KDM5B: variants seen among roughly 807,000 people sequenced by gnomAD.
The protein encoded by KDM5B is lysine demethylase 5B, also known as lysine-specific demethylase 5B.
Under a neutral mutation model 193.4 loss-of-function variants are expected in KDM5B, and 144 were observed. The ratio of observed to expected loss-of-function variants is 0.74; its 90% CI spans 0.65 to 0.86. KDM5B has a LOEUF of 0.86. Ranked by LOEUF, KDM5B falls within the 40% of genes least tolerant of loss-of-function variation. The pLI is 0.00. For missense variants in KDM5B, 1,833 were observed against 1,886.9 expected, an observed-to-expected ratio of 0.97 and a Z score of 0.53; for synonymous variants, 668 against 682.6, an observed-to-expected ratio of 0.98 and a Z score of 0.33.
At chr1:202,807,814 G>A (rs1418634503) in intron 1 of KDM5B, among the ~76,000 whole-genome samples, 3 of 151,468 alleles carry the variant, frequency 2.0e-5, no homozygotes. Flanking sequence ...ACTCCATCCG[G>A]AACCGAACCC....
At chr1:202,751,316 A>G (rs1655780721) in intron 12 of KDM5B, among the ~76,000 whole-genome samples, 1 of 152,154 alleles carries the variant, frequency 6.6e-6, no homozygotes, top group Non-Finnish European at 1.5e-5. Context: ...AAGCATCTAC[A>G]TTTCTACACC....
intron 21 of KDM5B, 57 bp downstream of exon 21, chr1:202,736,156 A>G (rs1328396136): frequency 9.5e-6 from 12 of 1,268,870 alleles, no homozygotes; most frequent in Non-Finnish European, 1.3e-5. Flanking sequence ...GATGAACTGC[A>G]TGTTTTACCA....
chr1:202,748,582 G>C (rs1386418486), intron 14 of KDM5B, among the ~76,000 whole-genome samples: 3 of 151,814 alleles, frequency 2.0e-5, no homozygotes, highest in African/African-American at 7.2e-5. Flanking sequence ...AAAAAATAAA[G>C]GGCAAGCCGG....
chr1:202,745,920 G>C lies in KDM5B; in HGVS notation c.2261C>G (p.Ser754Cys). 1 of 1,613,968 alleles carries C rather than the reference G, an allele frequency of 6.2e-7. No individual in the cohort carries two copies. Among genetic ancestry groups the C allele is most frequent in the South Asian group, 1.1e-5 (1 of 91,078 alleles). The stretch of plus-strand genomic sequence containing the variant: ...CACATTCAAGGCCCATTCGTTGTAA[G>C]ATTCTGCTCGAAGCTTCAATGCATT... Reference protein sequence around the residue: ...MMNALKLRAESYNEWALNVNE... With the variant: ...MMNALKLRAECYNEWALNVNE... Residue 754 changes from serine to cysteine, a missense_variant, in exon 16 of 27, where the codon TCT (serine) becomes TGT (cysteine). By Grantham distance (112) the Ser-to-Cys change is moderately radical (BLOSUM62 -1). Coordinates refer to ENST00000367265, the MANE Select transcript of KDM5B (RefSeq NM_006618.5).
chr1:202,741,192 T>C (rs3795600), intron 19 of KDM5B, among the ~76,000 whole-genome samples, 175 bp downstream of exon 19: 27,728 of 152,244 alleles, frequency 0.18, 2,941 homozygotes, highest in Middle Eastern at 0.28. Flanking sequence ...AAAATTAACA[T>C]TCTTTTACTC....
Position 202,767,059 on chromosome 1 carries a change from C to T in KDM5B, c.578G>A (p.Cys193Tyr), listed in dbSNP as rs748895064. The stretch of plus-strand genomic sequence containing the variant: ...TGTGGTCAGGTTTGGCTTCTGCAAA[C>T]ACTAGAAATAACAACTGTACTGATA... Reference protein sequence around the residue: ...NLFLSGDSLRCLQKPNLTTDT... With the variant: ...NLFLSGDSLRYLQKPNLTTDT... The change falls in exon 5 of 27, where the codon TGT becomes TAT. Residue 193 changes from cysteine (C) to tyrosine (Y), a missense_variant and splice_region_variant. By Grantham distance (194) the Cys-to-Tyr change is radical. Around this residue, in one of 3 missense-constraint regions of KDM5B, gnomAD observed 355 missense variants for 374.9 expected, o/e 0.95. Coordinates refer to ENST00000367265, the MANE Select transcript of KDM5B (RefSeq NM_006618.5). 7 of 1,608,944 alleles carry T rather than the reference C, an allele frequency of 4.4e-6. No homozygotes were observed. Among genetic ancestry groups the T allele is most frequent in the Non-Finnish European group, 3.4e-6 (4 of 1,178,932 alleles).
At chr1:202,770,149 A>G (rs1656652705) in intron 4 of KDM5B, among the ~76,000 whole-genome samples, 1 of 152,216 alleles carries the variant, frequency 6.6e-6, no homozygotes, top group South Asian at 2.1e-4. Flanking sequence ...ACCACAATTA[A>G]AAATACACAC....
At chr1:202,758,985 C>T (rs1334220953) in intron 8 of KDM5B, 1 of 152,928 alleles carries the variant, frequency 6.5e-6, no homozygotes, top group Non-Finnish European at 1.5e-5. Flanking sequence ...GTATAAGCTG[C>T]CTTAGATCTT....
chr1:202,752,206 TAAC>T (rs992533552), intron 12 of KDM5B, among the ~76,000 whole-genome samples: 3 of 152,362 alleles, frequency 2.0e-5, no homozygotes, highest in East Asian at 1.9e-4. Context: ...GTGCACCATG[TAAC>T]AACATTTTGG....
intron 14 of KDM5B, among the ~76,000 whole-genome samples, chr1:202,747,795 T>C (rs756009008): frequency 7.9e-5 from 12 of 152,054 alleles, no homozygotes; most frequent in Non-Finnish European, 1.6e-4. Context: ...AATTATACTA[T>C]GTTCATGAAT....
At chr1:202,793,361 T>G (rs1011860899) in intron 1 of KDM5B, among the ~76,000 whole-genome samples, 1 of 152,224 alleles carries the variant, frequency 6.6e-6, no homozygotes, top group African/African-American at 2.4e-5. Context: ...ATTGTATCAT[T>G]ACTATGGTTA....
At chr1:202,807,034 CG>C (rs1037980822) in intron 1 of KDM5B, 3 of 152,384 alleles carry the variant, frequency 2.0e-5, no homozygotes, top group African/African-American at 7.2e-5. Flanking sequence ...ACGTTGGAGC[CG>C]TTACGGATGG....
At position 202,749,226 on chromosome 1, in the gene KDM5B, ACATCACAC is replaced by A; in HGVS notation, c.1822-95_1822-88del. 2.5e-6 allele frequency: 3 copies of A among 1,176,962 alleles called. No homozygotes were observed. In the South Asian group the frequency reaches 4.5e-5, roughly 18 times the overall value. 72.9% of individuals were successfully genotyped at this position (1,176,962 alleles called of 1,614,324 possible). ...TGACCCATTATTATCAAATTACCAAACATCACACTATGGGTCTTAACACGTATCATTTA... is the reference window on the plus strand; with the variant it reads ...TGACCCATTATTATCAAATTACCAAATATGGGTCTTAACACGTATCATTTA... On this transcript the variant is annotated intron_variant, in intron 13 of 26. Coordinates refer to ENST00000367265, the MANE Select transcript of KDM5B (RefSeq NM_006618.5).
At chr1:202,787,059 T>C (rs777717837) in intron 1 of KDM5B, among the ~76,000 whole-genome samples, 14 of 152,126 alleles carry the variant, frequency 9.2e-5, no homozygotes, top group Non-Finnish European at 1.6e-4. Context: ...GCTCTGTCCC[T>C]AGGCTGGAAT....
At chr1:202,762,614 T>A in intron 7 of KDM5B, 85 bp downstream of exon 7, 1 of 778,440 alleles carries the variant, frequency 1.3e-6, no homozygotes, top group Non-Finnish European at 2.2e-6. Context: ...AAATTTAAGT[T>A]TAAACTTGGG....
chr1:202,760,318 A>AAAAAT (rs536637151), intron 8 of KDM5B, 97 bp downstream of exon 8: 23 of 902,652 alleles, frequency 2.5e-5, no homozygotes, highest in South Asian at 1.1e-4. Flanking sequence ...CTTGTCTAAA[A>AAAAAT]AAAATAAAAT....
At chr1:202,770,739 T>C (rs1656678637) in intron 4 of KDM5B, among the ~76,000 whole-genome samples, 2 of 152,202 alleles carry the variant, frequency 1.3e-5, no homozygotes, top group Non-Finnish European at 2.9e-5. Flanking sequence ...AATTTGTGAA[T>C]GTATGCATAA....
chr1:202,798,773 G>A (rs1572782763), intron 1 of KDM5B, among the ~76,000 whole-genome samples: 1 of 152,088 alleles, frequency 6.6e-6, no homozygotes, highest in Admixed American at 6.5e-5. Flanking sequence ...TGTAGTCCCA[G>A]CACTTTGGGA....
Position 202,804,822 on chromosome 1 carries a change from C to G in KDM5B, c.204+3280G>C, listed in dbSNP as rs181771026. 2.1e-3 allele frequency among the ~76,000 whole-genome samples: 315 copies of G among 150,096 alleles called. 3 individuals carry two copies. The Middle Eastern group carries it at 0.038, about 18-fold the overall frequency. ...GTCGGGAGGCAGAGGTTGTGATGAG[C>G]CACTGCACTCCAGGCCTGGGCAACA... On this transcript the variant is annotated intron_variant, in intron 1 of 26. Transcript: ENST00000367265.
Sources: allele counts gnomAD v4.1 joint callset (sites outside exome capture counted in the v4.1 genomes callset), GRCh38; gene constraint gnomAD v4.1.1; regional missense constraint gnomAD v4.1.1; transcripts MANE v1.5; gene names NCBI Gene and HGNC (gene_info 2026-07-23, HGNC 2026-07-21).